Variants in SLCO2A1 observed in about 807,000 individuals in gnomAD.
The protein encoded by SLCO2A1 is matrin F/G 1.
In SLCO2A1, 60 loss-of-function variants were observed where a neutral mutation model predicts 71.7. That is an observed-to-expected ratio of 0.84 (90% CI 0.68 to 1.04). The LOEUF (loss-of-function observed/expected upper bound fraction) is 1.04, where lower values mean the gene tolerates loss of function less well. SLCO2A1 is among the 50% of genes least tolerant of loss of function. SLCO2A1 has a pLI of 0.00. For synonymous variants in SLCO2A1, 308 were observed against 326.7 expected, an observed-to-expected ratio of 0.94 and a Z score of 0.62; for missense variants, 745 against 813.4, an observed-to-expected ratio of 0.92 and a Z score of 1.02.
Position 133,938,391 on chromosome 3 carries a change from G to A in SLCO2A1, c.1690+38C>T, listed in dbSNP as rs748587500. On this transcript the variant is annotated intron_variant, in intron 12 of 13. Transcript: ENST00000310926. ...ATAGCCTTCAGATGCCCCATCGCCT[G>A]GGGCCACTTCTTGGGAAGAGGGGTC... is the stretch of plus-strand genomic sequence containing the variant. 25 of 1,590,362 alleles carry A rather than the reference G, an allele frequency of 1.6e-5. No individual in the cohort carries two copies. The African/African-American group carries it at 1.9e-4, about 12-fold the overall frequency.
rs970013305 is a variant in SLCO2A1 at position 133,953,492 on chromosome 3, A to G, written c.724+171T>C. 2.0e-5 allele frequency among the ~76,000 whole-genome samples: 3 copies of G among 152,224 alleles called. No individual in the cohort carries two copies. The South Asian group carries it at 6.2e-4, about 31-fold the overall frequency. On this transcript the variant is annotated intron_variant, in intron 5 of 13. Coordinates refer to ENST00000310926, the MANE Select transcript of SLCO2A1 (RefSeq NM_005630.3). ...GCGTGGGCCCTGAGAGAGGAGGCACACACTGTCTGCTCCTGGCTCTCCGAG... is the reference window on the plus strand; with the variant it reads ...GCGTGGGCCCTGAGAGAGGAGGCACGCACTGTCTGCTCCTGGCTCTCCGAG...
rs1048573585 is a variant in SLCO2A1 at position 134,000,404 on chromosome 3, G to A, written c.97-20786C>T. Among the ~76,000 whole-genome samples the A allele has an allele frequency of 5.9e-5, 9 of 152,090 alleles. No individual in the cohort carries two copies. In the South Asian group the frequency reaches 6.2e-4, roughly 11 times the overall value. On this transcript the variant is annotated intron_variant, in intron 1 of 13. Transcript: ENST00000310926. ...TGCATACAGCAAAGGGAAAAGGGCC[G>A]ATGGGAGGTGTTGAGGGAGAAGCTA...
intron 1 of SLCO2A1, among the ~76,000 whole-genome samples, chr3:134,003,622 A>G (rs1036276722): frequency 2.0e-5 from 3 of 152,166 alleles, no homozygotes; most frequent in African/African-American, 7.2e-5. Context: ...CTATTGCTCA[A>G]TGATGCTCAC....
chr3:134,013,781 A>AAC (rs1270968997), intron 1 of SLCO2A1, among the ~76,000 whole-genome samples: 2 of 152,216 alleles, frequency 1.3e-5, no homozygotes, highest in Admixed American at 1.3e-4. Flanking sequence ...ATTATTTGGA[A>AAC]ACACATAGAT....
At chr3:133,979,388 C>T (rs1180893160) in intron 2 of SLCO2A1, 93 bp downstream of exon 2, 6 of 1,506,862 alleles carry the variant, frequency 4.0e-6, no homozygotes, top group Admixed American at 3.4e-5. Context: ...CACCTATGTG[C>T]ACATCTCAGC....
chr3:133,959,091 C>A (rs1040288913), intron 3 of SLCO2A1, among the ~76,000 whole-genome samples: 3 of 152,210 alleles, frequency 2.0e-5, no homozygotes, highest in African/African-American at 7.2e-5. Flanking sequence ...TGAGCAGCTG[C>A]CCCTCAGCAG....
At chr3:133,966,509 G>C (rs1934173740) in intron 3 of SLCO2A1, among the ~76,000 whole-genome samples, 1 of 152,176 alleles carries the variant, frequency 6.6e-6, no homozygotes, top group African/African-American at 2.4e-5. Flanking sequence ...GGCCAGGAAG[G>C]AGCTCTCCAG....
At chr3:134,025,990 A>G (rs932862635) in intron 1 of SLCO2A1, among the ~76,000 whole-genome samples, 1 of 152,174 alleles carries the variant, frequency 6.6e-6, no homozygotes, top group African/African-American at 2.4e-5. Context: ...ATGTCACTTC[A>G]TGTTATGTAT....
Position 133,985,516 on chromosome 3 carries a change from G to A in SLCO2A1, c.97-5898C>T, listed in dbSNP as rs112490665. Among the ~76,000 whole-genome samples the A allele has an allele frequency of 3.3e-5, 5 of 152,296 alleles. 1 individual carries two copies. Among genetic ancestry groups the A allele is most frequent in the African/African-American group, 1.2e-4 (5 of 41,572 alleles). On this transcript the variant is annotated intron_variant, in intron 1 of 13. Transcript: ENST00000310926. The stretch of plus-strand genomic sequence containing the variant: ...AAAATGAAGATGAATTACACGGGCT[G>A]CATTATCTTCTTTAAAATGGTATAT...
intron 1 of SLCO2A1, among the ~76,000 whole-genome samples, chr3:133,981,663 TAAGATGTGA>T (rs1934594805): frequency 6.6e-6 from 1 of 151,768 alleles, no homozygotes; most frequent in African/African-American, 2.4e-5. Context: ...TTGTAAAGGG[TAAGATGTGA>T]AAGATTAGAA....
chr3:133,964,164 A>C (rs1457164430), intron 3 of SLCO2A1, among the ~76,000 whole-genome samples: 1 of 152,214 alleles, frequency 6.6e-6, no homozygotes, highest in East Asian at 1.9e-4. Context: ...GTTGACGTTG[A>C]CAGTCTGGGG....
chr3:133,952,437 G>A (rs1265922499), intron 5 of SLCO2A1, among the ~76,000 whole-genome samples: 1 of 152,172 alleles, frequency 6.6e-6, no homozygotes, highest in African/African-American at 2.4e-5. Flanking sequence ...CTGCCTTTCA[G>A]CCACCCCTTC....
At chr3:134,014,890 A>G (rs1935415206) in intron 1 of SLCO2A1, among the ~76,000 whole-genome samples, 1 of 152,192 alleles carries the variant, frequency 6.6e-6, no homozygotes, top group Non-Finnish European at 1.5e-5. Context: ...TTAAGATTAG[A>G]AAAAATTTAG....
At chr3:133,992,703 T>A (rs980856939) in intron 1 of SLCO2A1, among the ~76,000 whole-genome samples, 7 of 152,114 alleles carry the variant, frequency 4.6e-5, no homozygotes, top group Non-Finnish European at 1.0e-4. Flanking sequence ...GAGAGAAGCA[T>A]CTTGACTTCA....
chr3:133,963,478 G>A (rs1359788113), intron 3 of SLCO2A1, among the ~76,000 whole-genome samples: 1 of 152,222 alleles, frequency 6.6e-6, no homozygotes, highest in Non-Finnish European at 1.5e-5. Flanking sequence ...CATGGCAAGA[G>A]GGGCTTTCCT....
At chr3:133,955,293 C>T in intron 3 of SLCO2A1, 100 bp from the exon 4 acceptor site, 2 of 971,446 alleles carry the variant, frequency 2.1e-6, no homozygotes, top group Non-Finnish European at 3.0e-6. Flanking sequence ...TGGGGAAGGA[C>T]CAACTTTGGC....
At chr3:134,008,436 G>A (rs1935265064) in intron 1 of SLCO2A1, among the ~76,000 whole-genome samples, 1 of 152,120 alleles carries the variant, frequency 6.6e-6, no homozygotes, top group African/African-American at 2.4e-5. Context: ...TCAAAATTCA[G>A]AAACCCCTGC....
In SLCO2A1 at chr3:133,933,398, GGAGGT is replaced by G. The variant is rs1312087206; in HGVS notation, c.*1310_*1314del. ...GGAGAAGGCCCTAATGTAAATGGAG[GGAGGT>G]GAGGTAAGAGCTGAGGGAAGCTCCA... On this transcript the variant is annotated 3_prime_UTR_variant, in exon 14 of 14. Coordinates refer to ENST00000310926, the MANE Select transcript of SLCO2A1 (RefSeq NM_005630.3). 1 of 152,214 alleles carries G rather than the reference GGAGGT, an allele frequency of 6.6e-6. No homozygotes were observed. Among genetic ancestry groups the G allele is most frequent in the African/African-American group, 2.4e-5 (1 of 41,432 alleles). The allele number at this position is 152,214 out of a possible 1,614,324, so 9.4% of individuals were successfully genotyped here.
At chr3:133,941,612 T>TG (rs1381718119) in intron 11 of SLCO2A1, among the ~76,000 whole-genome samples, 1 of 151,952 alleles carries the variant, frequency 6.6e-6, no homozygotes, top group Non-Finnish European at 1.5e-5. Flanking sequence ...GCCAGTGAGG[T>TG]GAAGAGCGGG....
Sources: gnomAD v4.1 joint callset for allele counts (sites outside exome capture counted in the v4.1 genomes callset) on GRCh38, gnomAD v4.1.1 for gene constraint, MANE v1.5 for transcripts, NCBI Gene and HGNC (gene_info 2026-07-23, HGNC 2026-07-21) for gene names.